RRP15: variants seen among roughly 807,000 people sequenced by gnomAD.
The protein encoded by RRP15 is RRP15-like protein.
RRP15 carries 18 observed loss-of-function variants against 27.1 expected under a neutral mutation model. That is an observed-to-expected ratio of 0.66 (90% confidence interval 0.46 to 0.98). RRP15 has a LOEUF of 0.98. Among genes scored for constraint, RRP15 ranks in the 50% least tolerant of loss-of-function variants. The pLI, the probability that RRP15 is intolerant of heterozygous loss-of-function variation, is 0.00. For missense variants in RRP15, 359 were observed against 337.8 expected (o/e 1.06, Z -0.49); for synonymous variants, 107 against 109.4 (o/e 0.98, Z 0.14).
intron 1 of RRP15, among the ~76,000 whole-genome samples, chr1:218,296,952 T>G (rs1003513765): frequency 6.6e-6 from 1 of 152,186 alleles, no homozygotes; most frequent in Non-Finnish European, 1.5e-5. Context: ...TCTTCTCTGT[T>G]CCCCAGGTCC....
chr1:218,293,024 T>C (rs76840159), intron 1 of RRP15, among the ~76,000 whole-genome samples: 1 of 151,756 alleles, frequency 6.6e-6, no homozygotes, highest in Non-Finnish European at 1.5e-5. Context: ...AACTTTTTTT[T>C]CTTATTTTTT....
intron 4 of RRP15, among the ~76,000 whole-genome samples, chr1:218,321,685 A>G (rs1013344293): frequency 3.3e-5 from 5 of 152,192 alleles, no homozygotes; most frequent in African/African-American, 4.8e-5. Flanking sequence ...TATAAAAAGA[A>G]TATACCAAAT....
At chr1:218,327,943 C>G (rs1439036590) in intron 4 of RRP15, among the ~76,000 whole-genome samples, 1 of 152,222 alleles carries the variant, frequency 6.6e-6, no homozygotes, top group African/African-American at 2.4e-5. Context: ...AAATAATTAT[C>G]TTTAACATGC....
Position 218,331,163 on chromosome 1 carries a change from G to T in RRP15, c.*72G>T, listed in dbSNP as rs1003232753. The T allele has an allele frequency of 1.5e-5, 21 of 1,387,622 alleles. No homozygotes were observed. Among genetic ancestry groups the T allele is most frequent in the Non-Finnish European group, 2.9e-6 (3 of 1,027,572 alleles). The allele number at this position is 1,387,622 out of a possible 1,614,324, so 86.0% of individuals were successfully genotyped here. A position where few individuals can be genotyped will look rare whatever the true frequency, so the allele number is the denominator to read the frequency against. ...AATATGTCATCCTCTGATAGTTGGG[G>T]AATTATAAGGATACCATTTGTAAGA... On this transcript the variant is annotated 3_prime_UTR_variant, in exon 5 of 5. Transcript: ENST00000366932.
intron 1 of RRP15, among the ~76,000 whole-genome samples, chr1:218,287,852 T>G (rs1459418342): frequency 2.6e-5 from 4 of 152,250 alleles, no homozygotes; most frequent in Non-Finnish European, 5.9e-5. Context: ...GTAAATTGTT[T>G]TGTTGAATAA....
intron 4 of RRP15, among the ~76,000 whole-genome samples, chr1:218,321,302 C>G (rs1009105807): frequency 2.6e-5 from 4 of 152,186 alleles, no homozygotes; most frequent in Non-Finnish European, 4.4e-5. Context: ...CATTTAGTCA[C>G]TTTTACTTTT....
At position 218,302,591 on chromosome 1, in the gene RRP15, TTG is replaced by T. The variant is rs746717879; in HGVS notation, c.405+34_405+35del. 60 of 1,599,152 alleles carry T rather than the reference TTG, an allele frequency of 3.8e-5. 1 individual carries two copies. In the South Asian group the frequency reaches 6.6e-4, roughly 18 times the overall value. ...TCCACCAGTTCTCTTGTAGATTAGA[TTG>T]TTTGTCTAGGCTAGCTCTTATCTTG... is the stretch of plus-strand genomic sequence containing the variant. On this transcript the variant is annotated intron_variant, in intron 2 of 4. Transcript: ENST00000366932.
In RRP15 at chr1:218,320,141, C is replaced by T. The variant is rs531103244; in HGVS notation, c.706-10807C>T. ...TCGTTACATATGTATACATGTGCCA[C>T]GCTGGTGTGCTGCACCCATTAACTC... On this transcript the variant is annotated intron_variant, in intron 4 of 4. Coordinates refer to ENST00000366932, the MANE Select transcript of RRP15 (RefSeq NM_016052.4). Among the ~76,000 whole-genome samples, 14 of 151,074 alleles carry T rather than the reference C, an allele frequency of 9.3e-5. No homozygotes were observed. In the East Asian group the frequency reaches 2.1e-3, roughly 23 times the overall value.
intron 4 of RRP15, among the ~76,000 whole-genome samples, chr1:218,318,125 CACTT>C (rs1386302323): frequency 1.3e-5 from 2 of 152,108 alleles, no homozygotes; most frequent in African/African-American, 4.8e-5. Context: ...AAGTTGTTAA[CACTT>C]ACTGTGTTTG....
chr1:218,297,207 A>G (rs1010520175), intron 1 of RRP15, among the ~76,000 whole-genome samples: 1 of 152,172 alleles, frequency 6.6e-6, no homozygotes, highest in East Asian at 1.9e-4. Context: ...CCCCAAGTCT[A>G]ATTCAGTAAT....
intron 1 of RRP15, among the ~76,000 whole-genome samples, chr1:218,289,388 AT>A (rs1180634691): frequency 3.3e-5 from 5 of 152,220 alleles, no homozygotes; most frequent in African/African-American, 1.2e-4. Context: ...GCAAGATGTT[AT>A]CTGTTATTCC....
rs374977377 is a variant in RRP15 at position 218,307,581 on chromosome 1, T to C, written c.654T>C (p.Asp218=). The C allele has an allele frequency of 2.9e-5, 47 of 1,613,832 alleles. No homozygotes were observed. Among genetic ancestry groups the C allele is most frequent in the African/African-American group, 4.0e-5 (3 of 74,900 alleles). The part of the protein sequence containing the change: ...KDFISVLRGM[D]GSTNETASSR... ...TCATCAGTGTTTTGAGAGGGATGGA[T>C]GGAAGTACAAATGAGACTGCTTCAA... is the stretch of plus-strand genomic sequence containing the variant. Residue 218 remains aspartate, a synonymous_variant, in exon 4 of 5, where the codon GAT becomes GAC. Transcript: ENST00000366932.
intron 4 of RRP15, among the ~76,000 whole-genome samples, chr1:218,311,540 T>G (rs1655996198): frequency 6.6e-6 from 1 of 152,222 alleles, no homozygotes; most frequent in Non-Finnish European, 1.5e-5. Context: ...TAAGCCCTTC[T>G]CAGTAGTATA....
At chr1:218,318,397 TC>T (rs1459624679) in intron 4 of RRP15, among the ~76,000 whole-genome samples, 5 of 152,218 alleles carry the variant, frequency 3.3e-5, no homozygotes, top group African/African-American at 1.2e-4. Flanking sequence ...TCTTTTTTTT[TC>T]TTTTAAAGAC....
chr1:218,295,384 T>C (rs780787842), intron 1 of RRP15, among the ~76,000 whole-genome samples: 9 of 152,226 alleles, frequency 5.9e-5, no homozygotes, highest in Non-Finnish European at 1.2e-4. Flanking sequence ...CTCGGGGCTG[T>C]GATCTGATTG....
intron 4 of RRP15, among the ~76,000 whole-genome samples, chr1:218,313,219 G>C (rs552252369): frequency 6.6e-6 from 1 of 152,318 alleles, no homozygotes; most frequent in South Asian, 2.1e-4. Flanking sequence ...AAGGGCTGAA[G>C]GATGGTCAGA....
At chr1:218,286,683 T>C (rs1435817629) in intron 1 of RRP15, among the ~76,000 whole-genome samples, 1 of 152,210 alleles carries the variant, frequency 6.6e-6, no homozygotes, top group African/African-American at 2.4e-5. Context: ...TTGTGGGTCC[T>C]TCACAGATAT....
intron 4 of RRP15, among the ~76,000 whole-genome samples, chr1:218,312,910 G>T (rs1269716127): frequency 6.6e-6 from 1 of 152,156 alleles, no homozygotes; most frequent in Non-Finnish European, 1.5e-5. Flanking sequence ...TTGCTAATGA[G>T]TGGGGAGTTA....
rs749622411 is a variant in RRP15, at chr1:218,305,058, T to C, written c.436T>C (p.Cys146Arg). 17 of 1,613,882 alleles carry C rather than the reference T, an allele frequency of 1.1e-5. No individual in the cohort carries two copies. In the South Asian group the frequency reaches 1.9e-4, roughly 18 times the overall value. Reference sequence around the variant, plus strand: ...TAAGAGGCTGGAGTGGGAAATGATGTGCAGAGTAAAGCCAGATGTTGTCCA... The same window carrying C: ...TAAGAGGCTGGAGTGGGAAATGATGCGCAGAGTAAAGCCAGATGTTGTCCA... ...RDKRLEWEMM[C>R]RVKPDVVQDK... Residue 146 changes from cysteine (C) to arginine (R), a missense_variant, in exon 3 of 5, where the codon TGC (cysteine) becomes CGC (arginine). By Grantham distance (180) the Cys-to-Arg change is radical. Transcript: ENST00000366932.
Sources: allele counts gnomAD v4.1 joint callset (sites outside exome capture counted in the v4.1 genomes callset), GRCh38; gene constraint gnomAD v4.1.1; transcripts MANE v1.5; gene names NCBI Gene and HGNC (gene_info 2026-07-23, HGNC 2026-07-21).